ATP2B4: variants seen among roughly 807,000 people sequenced by gnomAD.
The protein encoded by ATP2B4 is plasma membrane calcium-transporting ATPase 4.
In ATP2B4, 39 loss-of-function variants were observed where a neutral mutation model predicts 110.3. The observed-to-expected ratio is 0.35, with a 90% CI of 0.27 to 0.46. The LOEUF is 0.46. ATP2B4 is among the 20% of genes least tolerant of loss of function. The pLI is 1.00. For missense variants in ATP2B4, 1,135 were observed against 1,530.9 expected, an observed-to-expected ratio of 0.74 and a Z score of 4.32; for synonymous variants, 538 against 571.7, an observed-to-expected ratio of 0.94 and a Z score of 0.84.
Position 203,664,080 on chromosome 1 carries a change from C to A in ATP2B4, c.-464-18662C>A, listed in dbSNP as rs138416173. Among the ~76,000 whole-genome samples, 377 of 152,298 alleles carry A rather than the reference C, an allele frequency of 2.5e-3. 2 individuals carry two copies. The highest frequency in any genetic ancestry group is 8.6e-3 in the African/African-American group (356 of 41,564). On this transcript the variant is annotated intron_variant, in intron 1 of 20. Transcript: ENST00000357681. The stretch of plus-strand genomic sequence containing the variant: ...TCCTGTCTATCTTAAAAGATTGTTG[C>A]AAAGATCAAATGTCAGAGTGCTTTG...
At position 203,699,440 on chromosome 1, in the gene ATP2B4, T is replaced by C; in HGVS notation, c.392-20T>C. On this transcript the variant is annotated intron_variant, in intron 3 of 20. Coordinates refer to ENST00000357681, the MANE Select transcript of ATP2B4 (RefSeq NM_001684.5). The stretch of plus-strand genomic sequence containing the variant: ...CAACAAAAGCCCTTCAGTGACTATT[T>C]CTCTCCCTTCCTGGGATAGTGTGTG... The C allele has an allele frequency of 6.2e-7, 1 of 1,613,338 alleles. No individual in the cohort carries two copies. Among genetic ancestry groups the C allele is most frequent in the South Asian group, 1.1e-5 (1 of 91,030 alleles).
At chr1:203,691,865 G>A (rs1195515932) in intron 2 of ATP2B4, among the ~76,000 whole-genome samples, 2 of 152,158 alleles carry the variant, frequency 1.3e-5, no homozygotes, top group African/African-American at 4.8e-5. Context: ...AGGGTTGTTG[G>A]GGTTTTTTAA....
At position 203,707,902 on chromosome 1, in the gene ATP2B4, CT is replaced by C; in HGVS notation, c.1357del (p.Cys453ValfsTer18). 1 of 1,614,168 alleles carries C rather than the reference CT, an allele frequency of 6.2e-7. No homozygotes were observed. The highest frequency in any genetic ancestry group is 8.5e-7 in the Non-Finnish European group (1 of 1,180,022). On this transcript the variant is annotated frameshift_variant, in exon 10 of 21. Transcript: ENST00000357681. LOFTEE classifies it high-confidence loss of function. The part of the protein sequence containing the change: ...KDNNLVRHLD[A>X]CETMGNATAI... ...AATAACCTAGTACGGCACTTGGATG[CT>C]TGTGAGACCATGGGCAACGCCACCG...
intron 7 of ATP2B4, 99 bp downstream of exon 7, chr1:203,702,178 T>C: frequency 6.9e-7 from 1 of 1,456,416 alleles, no homozygotes; most frequent in East Asian, 2.3e-5. Flanking sequence ...TCCATAAATC[T>C]GTTATCTGCT....
rs374178268 is a variant in ATP2B4, at chr1:203,647,790, G to GAA, written c.-465+20580_-465+20581dup. 9.2e-3 allele frequency among the ~76,000 whole-genome samples: 1,362 copies of GAA among 148,566 alleles called. 21 individuals are homozygous for GAA. The highest frequency in any genetic ancestry group is 0.029 in the African/African-American group (1,175 of 40,532). ...TTTAAATATATGAAGAAATGATTAGGAAAAAAAAAAGTGCTGATGGCCATA... is the reference window on the plus strand; with the variant it reads ...TTTAAATATATGAAGAAATGATTAGGAAAAAAAAAAAAGTGCTGATGGCCATA... On this transcript the variant is annotated intron_variant, in intron 1 of 20. Coordinates refer to ENST00000357681, the MANE Select transcript of ATP2B4 (RefSeq NM_001684.5).
intron 14 of ATP2B4, 129 bp downstream of exon 14, chr1:203,713,381 T>A (rs192616952): frequency 3.4e-6 from 3 of 873,602 alleles, no homozygotes; most frequent in African/African-American, 1.7e-5. Context: ...CCCAGGCTAG[T>A]GGGGAGAACA....
At chr1:203,647,416 A>G (rs1571677229) in intron 1 of ATP2B4, among the ~76,000 whole-genome samples, 1 of 145,884 alleles carries the variant, frequency 6.9e-6, no homozygotes, top group Non-Finnish European at 1.5e-5. Context: ...AGCCTCGGCA[A>G]TAGAGCAAGA....
Position 203,723,459 on chromosome 1 carries a change from T to TCC in ATP2B4, c.3025-420_3025-419dup, listed in dbSNP as rs35330976. On this transcript the variant is annotated intron_variant, in intron 18 of 20. Transcript: ENST00000357681. ...CTCTCTCTCTCTCTCTCTCTCTCTC[T>TCC]CCCTCTGCCTCTCTCTCTCTCTCTC... Among the ~76,000 whole-genome samples the TCC allele has an allele frequency of 3.1e-4, 40 of 128,682 alleles. 1 individual carries two copies. The highest frequency in any genetic ancestry group is 1.1e-3 in the African/African-American group (36 of 32,392). 84.4% of individuals were successfully genotyped at this position (128,682 alleles called of 152,430 possible). A position where few individuals can be genotyped will look rare whatever the true frequency, so the allele number is the denominator to read the frequency against.
Position 203,742,425 on chromosome 1 carries a change from G to A in ATP2B4, c.*2571G>A, listed in dbSNP as rs1031817331. 2 of 152,590 alleles carry A rather than the reference G, an allele frequency of 1.3e-5. No individual in the cohort carries two copies. The highest frequency in any genetic ancestry group is 2.9e-5 in the Non-Finnish European group (2 of 68,032). The allele number at this position is 152,590 out of a possible 1,614,324, so 9.5% of individuals were successfully genotyped here. A position where few individuals can be genotyped will look rare whatever the true frequency, so the allele number is the denominator to read the frequency against. ...TTTTTATATAAGTTTTTTCTATTCA[G>A]TTTCACTGATCCAACTGGCAGTGGG... On this transcript the variant is annotated 3_prime_UTR_variant, in exon 21 of 21. Coordinates refer to ENST00000357681, the MANE Select transcript of ATP2B4 (RefSeq NM_001684.5).
chr1:203,710,787 A>T, intron 11 of ATP2B4, 90 bp from the exon 12 acceptor site: 1 of 1,006,098 alleles, frequency 9.9e-7, no homozygotes, highest in Non-Finnish European at 1.5e-6. Flanking sequence ...CTTTAGGAAT[A>T]ATACAGAGTT....
At chr1:203,658,196 A>G (rs1273102884) in intron 1 of ATP2B4, among the ~76,000 whole-genome samples, 1 of 152,094 alleles carries the variant, frequency 6.6e-6, no homozygotes, top group Non-Finnish European at 1.5e-5. Context: ...TCTCCAAGGT[A>G]TGCCTGTACT....
chr1:203,700,886 G>A lies in ATP2B4; in HGVS notation c.864G>A (p.Gly288=), dbSNP rs751479130. The part of the protein sequence containing the change: ...SQTGIILTLL[G]VNEDDEGEKK... The stretch of plus-strand genomic sequence containing the variant: ...CTGGAATCATCCTTACTCTCTTGGG[G>A]GTCAATGAGGATGACGAAGGGGAGA... Residue 288 remains glycine (G), a synonymous_variant, in exon 6 of 21, where the codon GGG becomes GGA. Coordinates refer to ENST00000357681, the MANE Select transcript of ATP2B4 (RefSeq NM_001684.5). The A allele has an allele frequency of 1.9e-6, 3 of 1,613,556 alleles. No individual in the cohort carries two copies. The highest frequency in any genetic ancestry group is 2.2e-5 in the South Asian group (2 of 91,056).
intron 15 of ATP2B4, among the ~76,000 whole-genome samples, chr1:203,717,455 A>G (rs1318744028): frequency 6.6e-6 from 1 of 151,968 alleles, no homozygotes; most frequent in Admixed American, 6.6e-5. Context: ...GTGATCCACC[A>G]TTAGGCAGAA....
intron 2 of ATP2B4, among the ~76,000 whole-genome samples, chr1:203,687,994 GATT>G (rs71145015): frequency 0.36 from 50,045 of 138,412 alleles, 9,106 homozygotes; most frequent in East Asian, 0.61. Flanking sequence ...GAGAGAAAGA[GATT>G]ATTATTATTA....
chr1:203,704,396 G>A lies in ATP2B4; in HGVS notation c.1099+583G>A, dbSNP rs540119495. 2.0e-5 allele frequency among the ~76,000 whole-genome samples: 3 copies of A among 151,866 alleles called. No individual in the cohort carries two copies. The South Asian group carries it at 6.3e-4, about 32-fold the overall frequency. On this transcript the variant is annotated intron_variant, in intron 8 of 20. Transcript: ENST00000357681. ...GTCTCACCACCTTCTTTCAATGGAG[G>A]GGGAGAAAGGGGAGTGGGAAGAAGA...
chr1:203,692,771 G>A (rs951862084), intron 2 of ATP2B4, among the ~76,000 whole-genome samples: 1 of 152,176 alleles, frequency 6.6e-6, no homozygotes, highest in African/African-American at 2.4e-5. Flanking sequence ...GGGTTGGGCT[G>A]CATTTCTCCT....
chr1:203,672,347 TTTTTTTTTTA>T (rs1485623925), intron 1 of ATP2B4, among the ~76,000 whole-genome samples: 1,186 of 70,884 alleles, frequency 0.017, 29 homozygotes, highest in Non-Finnish European at 0.025. Flanking sequence ...TTTTTTTTTT[TTTTTTTTTTA>T]AAGCTGATTT....
At chr1:203,637,642 C>A (rs2102300871) in intron 1 of ATP2B4, among the ~76,000 whole-genome samples, 1 of 152,270 alleles carries the variant, frequency 6.6e-6, no homozygotes, top group East Asian at 1.9e-4. Flanking sequence ...GGCCAGCTTA[C>A]CCTCCTTGCC....
intron 10 of ATP2B4, among the ~76,000 whole-genome samples, chr1:203,708,732 G>A (rs928943935): frequency 3.9e-5 from 6 of 152,166 alleles, no homozygotes; most frequent in African/African-American, 9.7e-5. Context: ...TTGCGCACCT[G>A]TAGTCCCAGC....
Sources: allele counts gnomAD v4.1 joint callset (sites outside exome capture counted in the v4.1 genomes callset), GRCh38; gene constraint gnomAD v4.1.1; transcripts MANE v1.5; gene names NCBI Gene and HGNC (gene_info 2026-07-23, HGNC 2026-07-21).